GRM1: variants seen among roughly 807,000 people sequenced by gnomAD.
GRM1 encodes the protein glutamate metabotropic receptor 1, also known as metabotropic glutamate receptor 1.
In GRM1, 33 loss-of-function variants were observed where a neutral mutation model predicts 90.9. The observed-to-expected ratio is 0.36, with a 90% confidence interval of 0.28 to 0.49. The LOEUF is 0.49. Ranked by LOEUF, GRM1 falls within the 20% of genes least tolerant of loss-of-function variation. The pLI is 0.99. For synonymous variants in GRM1, 700 were observed against 613.2 expected (o/e 1.14, Z -2.09); for missense variants, 1,190 against 1,534.3 (o/e 0.78, Z 3.75).
At chr6:146,045,505 A>T (rs1443238855) in intron 1 of GRM1, among the ~76,000 whole-genome samples, 1 of 151,942 alleles carries the variant, frequency 6.6e-6, no homozygotes, top group Non-Finnish European at 1.5e-5. Context: ...AATTGAATTA[A>T]GTATGGAAGG....
chr6:146,061,296 A>G (rs891468823), intron 1 of GRM1, among the ~76,000 whole-genome samples: 2 of 152,140 alleles, frequency 1.3e-5, no homozygotes, highest in East Asian at 3.9e-4. Flanking sequence ...AAGTGAGCAC[A>G]TACTGTTGGA....
intron 7 of GRM1, among the ~76,000 whole-genome samples, chr6:146,422,638 G>A (rs1041176246): frequency 3.3e-5 from 5 of 152,134 alleles, no homozygotes; most frequent in African/African-American, 1.2e-4. Flanking sequence ...AATGTCCAGA[G>A]ATCTCATTGC....
rs533937507 is a variant in GRM1 at position 146,430,259 on chromosome 6, G to A, written c.2661-3613G>A. 5.9e-5 allele frequency among the ~76,000 whole-genome samples: 9 copies of A among 152,290 alleles called. No homozygotes were observed. The East Asian group carries it at 7.7e-4, about 13-fold the overall frequency. ...GAAAGAAAAACCAAAGCAAGATCCC[G>A]AACCTGTTGTTGCTGGAACTGCAAC... On this transcript the variant is annotated intron_variant, in intron 7 of 7. Coordinates refer to ENST00000282753, the MANE Select transcript of GRM1 (RefSeq NM_001278064.2).
rs186046662 is a variant in GRM1, at chr6:146,179,607, G to A, written c.950+20010G>A. On this transcript the variant is annotated intron_variant, in intron 2 of 7. Transcript: ENST00000282753. ...TGGCTCACTGCAAGCTCCGTCTCCC[G>A]GGTTCACGCCATTCTCCTGCCTCAG... 9.7e-4 allele frequency among the ~76,000 whole-genome samples: 148 copies of A among 152,260 alleles called. 1 individual carries two copies. Among genetic ancestry groups the A allele is most frequent in the African/African-American group, 3.1e-3 (130 of 41,556 alleles).
intron 1 of GRM1, among the ~76,000 whole-genome samples, chr6:146,082,844 G>T (rs953953810): frequency 7.9e-5 from 12 of 152,148 alleles, no homozygotes; most frequent in African/African-American, 2.4e-4. Context: ...CCATTTTCAT[G>T]ATACTGATTC....
intron 6 of GRM1, among the ~76,000 whole-genome samples, chr6:146,394,281 A>T (rs1025316004): frequency 6.6e-6 from 1 of 152,172 alleles, no homozygotes; most frequent in South Asian, 2.1e-4. Context: ...AGTTAGTGTG[A>T]TGATTGTCTC....
rs1785112357 is a variant in GRM1, at chr6:146,344,803, T to C, written c.1187-7447T>C. Among the ~76,000 whole-genome samples the C allele has an allele frequency of 4.9e-5, 7 of 143,688 alleles. No homozygotes were observed. The South Asian group carries it at 1.6e-3, about 33-fold the overall frequency. 94.3% of individuals were successfully genotyped at this position (143,688 alleles called of 152,430 possible). ...CCACAGTATATCTTTTTCGTTTTTC[T>C]TTTCTTTTTTTTCTTTCTTTTTTTT... On this transcript the variant is annotated intron_variant, in intron 3 of 7. Transcript: ENST00000282753.
Position 146,434,939 on chromosome 6 carries a change from G to GCTGCTGCTGCCGCTACTT in GRM1, c.*154_*155insGCTACTTCTGCTGCTGCC. ...GACCGCTGCTGCTGCTGCCGCTACT[G>GCTGCTGCTGCCGCTACTT]CTGCTGCTGCCTTAAGTAGGAAGAG... On this transcript the variant is annotated 3_prime_UTR_variant, in exon 8 of 8. Transcript: ENST00000282753. 1.3e-6 allele frequency: 1 copy of GCTGCTGCTGCCGCTACTT among 743,890 alleles called. No homozygotes were observed. Among genetic ancestry groups the GCTGCTGCTGCCGCTACTT allele is most frequent in the Admixed American group, 2.0e-5 (1 of 49,634 alleles). 46.1% of individuals were successfully genotyped at this position (743,890 alleles called of 1,614,324 possible). A position where few individuals can be genotyped will look rare whatever the true frequency, so the allele number is the denominator to read the frequency against.
chr6:146,304,583 T>C (rs1783510801), intron 2 of GRM1, 28 bp from the exon 3 acceptor site: 1 of 1,434,870 alleles, frequency 7.0e-7, no homozygotes, highest in Non-Finnish European at 9.8e-7. Flanking sequence ...TCTTTCTCTC[T>C]CCCTACCCCA....
At chr6:146,069,671 C>T (rs566867095) in intron 1 of GRM1, among the ~76,000 whole-genome samples, 1 of 152,182 alleles carries the variant, frequency 6.6e-6, no homozygotes, top group South Asian at 2.1e-4. Flanking sequence ...TTAAAATATG[C>T]CACAACATTT....
chr6:146,164,923 A>G (rs2128892777), intron 2 of GRM1, among the ~76,000 whole-genome samples: 1 of 150,680 alleles, frequency 6.6e-6, no homozygotes, highest in Middle Eastern at 3.5e-3. Flanking sequence ...CTGGATTCTG[A>G]CTACATCTTT....
chr6:146,189,105 A>G (rs1350863166), intron 2 of GRM1, among the ~76,000 whole-genome samples: 4 of 152,218 alleles, frequency 2.6e-5, no homozygotes, highest in Non-Finnish European at 5.9e-5. Flanking sequence ...ATAATGGGAA[A>G]CATTTGAAAG....
chr6:146,381,896 C>T (rs998304507), intron 5 of GRM1, among the ~76,000 whole-genome samples: 10 of 152,068 alleles, frequency 6.6e-5, no homozygotes, highest in African/African-American at 1.9e-4. Flanking sequence ...TTAAACAAAT[C>T]CATTTCCGGT....
intron 5 of GRM1, among the ~76,000 whole-genome samples, chr6:146,373,676 C>G (rs759268236): frequency 2.0e-5 from 3 of 152,040 alleles, no homozygotes; most frequent in Non-Finnish European, 4.4e-5. Flanking sequence ...TTGTTGTTGA[C>G]ATATAGAAAT....
intron 2 of GRM1, among the ~76,000 whole-genome samples, chr6:146,262,908 A>T (rs1781753858): frequency 6.6e-6 from 1 of 151,944 alleles, no homozygotes; most frequent in Admixed American, 6.6e-5. Flanking sequence ...TAAACGACCT[A>T]ATGCAATTTG....
chr6:146,047,006 T>C (rs952130595), intron 1 of GRM1, among the ~76,000 whole-genome samples: 15 of 151,970 alleles, frequency 9.9e-5, no homozygotes, highest in African/African-American at 3.6e-4. Context: ...TAATCTCACA[T>C]CAATAAAATC....
At chr6:146,209,431 C>T (rs2114640819) in intron 2 of GRM1, among the ~76,000 whole-genome samples, 1 of 152,204 alleles carries the variant, frequency 6.6e-6, no homozygotes, top group South Asian at 2.1e-4. Flanking sequence ...TGACTTCATT[C>T]ACTTTTTGTA....
chr6:146,319,962 C>T (rs1327340673), intron 3 of GRM1, among the ~76,000 whole-genome samples: 2 of 152,184 alleles, frequency 1.3e-5, no homozygotes, highest in East Asian at 1.9e-4. Context: ...TTATTTCTTT[C>T]TCTTGCCTTA....
chr6:146,434,854 GAT>G lies in GRM1; in HGVS notation c.*59_*60del. On this transcript the variant is annotated 3_prime_UTR_variant, in exon 8 of 8. Coordinates refer to ENST00000282753, the MANE Select transcript of GRM1 (RefSeq NM_001278064.2). ...GCCAGAGATCTCCCACACCTCCAGA[GAT>G]GTGCAAACAGCTGGGAGGAAAAGCC... 6.9e-7 allele frequency: 1 copy of G among 1,439,154 alleles called. No homozygotes were observed. The highest frequency in any genetic ancestry group is 9.7e-7 in the Non-Finnish European group (1 of 1,035,118). The allele number at this position is 1,439,154 out of a possible 1,614,324, so 89.1% of individuals were successfully genotyped here. A position where few individuals can be genotyped will look rare whatever the true frequency, so the allele number is the denominator to read the frequency against.
Sources: gnomAD v4.1 joint callset for allele counts (sites outside exome capture counted in the v4.1 genomes callset) on GRCh38, gnomAD v4.1.1 for gene constraint, MANE v1.5 for transcripts, NCBI Gene and HGNC (gene_info 2026-07-23, HGNC 2026-07-21) for gene names.